PDE10A: variants seen among roughly 807,000 people sequenced by gnomAD.
PDE10A encodes the protein phosphodiesterase 10A.
In PDE10A, 39 loss-of-function variants were observed where a neutral mutation model predicts 97.7. The observed-to-expected ratio is 0.40, with a 90% confidence interval of 0.31 to 0.52. The LOEUF (loss-of-function observed/expected upper bound fraction) is 0.52, where lower values mean the gene tolerates loss of function less well. Ranked by LOEUF, PDE10A falls within the 20% of genes least tolerant of loss-of-function variation. The pLI, the probability that PDE10A is intolerant of heterozygous loss-of-function variation, is 0.56. For synonymous variants in PDE10A, 371 were observed against 376.8 expected (o/e 0.98, Z 0.18); for missense variants, 731 against 1,047.8 (o/e 0.70, Z 4.17).
intron 1 of PDE10A, among the ~76,000 whole-genome samples, chr6:165,833,822 A>G (rs1410438903): frequency 6.6e-6 from 1 of 152,240 alleles, no homozygotes; most frequent in Non-Finnish European, 1.5e-5. Context: ...AGGTGCAGGC[A>G]TGAGATGAAG....
At chr6:165,392,571 C>A in intron 16 of PDE10A, 75 bp downstream of exon 16, 1 of 1,384,400 alleles carries the variant, frequency 7.2e-7, no homozygotes, top group Non-Finnish European at 1.0e-6. Flanking sequence ...AAATCCATGT[C>A]ATCAATGTGC....
chr6:165,946,065 T>C (rs898324417), intron 1 of PDE10A, among the ~76,000 whole-genome samples: 3 of 106,052 alleles, frequency 2.8e-5, no homozygotes, highest in Non-Finnish European at 5.5e-5. Context: ...TTTGGGGTCA[T>C]AACCAAAAAA....
intron 1 of PDE10A, among the ~76,000 whole-genome samples, chr6:165,656,264 A>T (rs879638775): frequency 0.038 from 1,429 of 37,604 alleles, 20 homozygotes; most frequent in East Asian, 0.096. Context: ...TCTCTCACAC[A>T]CACACACACA....
intron 1 of PDE10A, among the ~76,000 whole-genome samples, chr6:165,753,658 G>T (rs1793055610): frequency 6.6e-6 from 1 of 152,030 alleles, no homozygotes; most frequent in South Asian, 2.1e-4. Flanking sequence ...TAAACTAAAT[G>T]ACTTTCAATA....
intron 1 of PDE10A, among the ~76,000 whole-genome samples, chr6:165,569,908 G>C (rs1716235005): frequency 6.6e-6 from 1 of 152,084 alleles, no homozygotes; most frequent in African/African-American, 2.4e-5. Context: ...AAATTAAGCA[G>C]GAAAAACTTT....
intron 17 of PDE10A, among the ~76,000 whole-genome samples, chr6:165,384,847 C>T (rs1295809763): frequency 6.6e-6 from 1 of 152,098 alleles, no homozygotes; most frequent in South Asian, 2.1e-4. Context: ...TAAGCAGCCA[C>T]ATATGCAACA....
Position 165,334,320 on chromosome 6 carries a change from C to T in PDE10A, c.3066-1193G>A, listed in dbSNP as rs565005374. 4.1e-4 allele frequency among the ~76,000 whole-genome samples: 61 copies of T among 148,582 alleles called. 1 individual carries two copies. The South Asian group carries it at 9.8e-3, about 24-fold the overall frequency. ...GCGCCTCCATAGCGCCTTACAGCGC[C>T]GGGCACGCGCCTCCATAGCGCCCTA... On this transcript the variant is annotated intron_variant, in intron 21 of 21. Coordinates refer to ENST00000539869, the MANE Select transcript of PDE10A (RefSeq NM_001385079.1).
intron 1 of PDE10A, among the ~76,000 whole-genome samples, chr6:165,870,174 G>A (rs1041145534): frequency 6.6e-6 from 1 of 152,140 alleles, no homozygotes; most frequent in Non-Finnish European, 1.5e-5. Context: ...TTTGGAATGG[G>A]AGAGAAAATA....
In PDE10A at chr6:165,711,233, G is replaced by GA. The variant is rs1791888747; in HGVS notation, c.-614-167666dup. 6.6e-6 allele frequency among the ~76,000 whole-genome samples: 1 copy of GA among 152,232 alleles called. No individual in the cohort carries two copies. The highest frequency in any genetic ancestry group is 2.1e-4 in the South Asian group (1 of 4,834). On this transcript the variant is annotated intron_variant, in intron 1 of 19. Transcript: ENST00000366882. The surrounding 1 kb of genome is among the most constrained non-coding windows in gnomAD (Gnocchi z 4.5). ...TTAGAGTTGGGAGCAGGGCTCTTCT[G>GA]AAAACCTCATCTTGGATGGGTAATT...
chr6:165,907,869 G>T (rs372545157), intron 1 of PDE10A, among the ~76,000 whole-genome samples: 2 of 152,362 alleles, frequency 1.3e-5, no homozygotes, highest in African/African-American at 4.8e-5. Context: ...GAGGCAGAGA[G>T]AAAATTGTAG....
At chr6:165,933,988 CTTT>C (rs35582422) in intron 1 of PDE10A, among the ~76,000 whole-genome samples, 1 of 140,248 alleles carries the variant, frequency 7.1e-6, no homozygotes. Flanking sequence ...CATCAATTCC[CTTT>C]TTTTTTTTTT....
chr6:165,350,885 G>C (rs1315624579), intron 18 of PDE10A, among the ~76,000 whole-genome samples: 1 of 152,146 alleles, frequency 6.6e-6, no homozygotes, highest in East Asian at 1.9e-4. Flanking sequence ...ATGATTGTAA[G>C]TTTTCTGAGG....
At chr6:165,770,605 C>A (rs1054738126) in intron 1 of PDE10A, among the ~76,000 whole-genome samples, 1 of 152,176 alleles carries the variant, frequency 6.6e-6, no homozygotes, top group Non-Finnish European at 1.5e-5. Context: ...TGCCTTCCTT[C>A]GCATCAGCCT....
At chr6:165,777,464 C>T (rs1021873701) in intron 1 of PDE10A, among the ~76,000 whole-genome samples, 4 of 150,234 alleles carry the variant, frequency 2.7e-5, no homozygotes, top group African/African-American at 9.9e-5. Flanking sequence ...TGATTCCACA[C>T]ATGTGAAAAC....
At chr6:165,352,058 T>G (rs1673131865) in intron 18 of PDE10A, among the ~76,000 whole-genome samples, 1 of 152,194 alleles carries the variant, frequency 6.6e-6, no homozygotes, top group African/African-American at 2.4e-5. Flanking sequence ...TTCACCATGT[T>G]AGCCAGGCTG....
At chr6:165,377,413 CATTGCCTTTCAATGCAT>C (rs1784673466) in intron 18 of PDE10A, among the ~76,000 whole-genome samples, 1 of 152,094 alleles carries the variant, frequency 6.6e-6, no homozygotes, top group African/African-American at 2.4e-5. Flanking sequence ...AACAAACATG[CATTGCCTTTCAATGCAT>C]GTTTCAATGC....
At chr6:165,746,627 C>T (rs945446304) in intron 1 of PDE10A, among the ~76,000 whole-genome samples, 1 of 152,142 alleles carries the variant, frequency 6.6e-6, no homozygotes, top group Non-Finnish European at 1.5e-5. Context: ...CTTCTGTGCA[C>T]GCGCAGGGAA....
intron 1 of PDE10A, among the ~76,000 whole-genome samples, chr6:165,562,351 T>C (rs1457840702): frequency 6.6e-6 from 1 of 151,910 alleles, no homozygotes; most frequent in African/African-American, 2.4e-5. Flanking sequence ...ACACAAAAGG[T>C]CTCAATTTTC....
At chr6:165,929,977 C>T (rs12197436) in intron 1 of PDE10A, among the ~76,000 whole-genome samples, 3 of 149,570 alleles carry the variant, frequency 2.0e-5, no homozygotes, top group African/African-American at 5.0e-5. Flanking sequence ...TCACTCCAGG[C>T]GTGAAGGCGG....
Sources: gnomAD v4.1 joint callset for allele counts (sites outside exome capture counted in the v4.1 genomes callset) on GRCh38, gnomAD v4.1.1 for gene constraint, Gnocchi (gnomAD v3.1) non-coding constraint, MANE v1.5 for transcripts, NCBI Gene and HGNC (gene_info 2026-07-23, HGNC 2026-07-21) for gene names.